The following SEPTIN6 variants were observed in gnomAD, a reference collection of about 807,000 sequenced individuals.
The protein encoded by SEPTIN6 is septin 6.
SEPTIN6 carries 8 observed loss-of-function variants against 33.6 expected under a neutral mutation model. The observed-to-expected ratio is 0.24, with a 90% CI of 0.14 to 0.43. The LOEUF is 0.43. SEPTIN6 is among the 20% of genes least tolerant of loss of function. The pLI is 1.00. For missense variants in SEPTIN6, 250 were observed against 340.8 expected, an observed-to-expected ratio of 0.73 and a Z score of 2.10; for synonymous variants, 131 against 140.0, an observed-to-expected ratio of 0.94 and a Z score of 0.45.
In SEPTIN6 at chrX:119,675,121, G is replaced by A. The variant is rs191952573; in HGVS notation, c.145+433C>T. Among the ~76,000 whole-genome samples the A allele has an allele frequency of 3.4e-3, 380 of 111,001 alleles. 1 individual carries two copies. The highest frequency in any genetic ancestry group is 0.012 in the African/African-American group (360 of 30,474). The stretch of plus-strand genomic sequence containing the variant: ...ATACAGCTGTGTGGTGCCTGCACCC[G>A]AGCTCAAACTAAACCAAGCACAGCA... On this transcript the variant is annotated intron_variant, in intron 2 of 10. Transcript: ENST00000394610.
chrX:119,662,733 T>C (rs1439498498), intron 3 of SEPTIN6, among the ~76,000 whole-genome samples: 1 of 112,390 alleles, frequency 8.9e-6, no homozygotes, highest in Non-Finnish European at 1.9e-5. Flanking sequence ...TAATACGACA[T>C]TGTGATTGAA....
At chrX:119,676,046 A>G (rs4825661) in intron 1 of SEPTIN6, among the ~76,000 whole-genome samples, 15,442 of 111,072 alleles carry the variant, frequency 0.14, 1,232 homozygotes, top group Admixed American at 0.38. Context: ...TTCCTTCCAC[A>G]TCTGCCATCT....
At chrX:119,664,840 C>CA (rs1199498493) in intron 2 of SEPTIN6, among the ~76,000 whole-genome samples, 616 of 35,579 alleles carry the variant, frequency 0.017, 9 homozygotes, top group African/African-American at 0.027. Context: ...GACTCCATCT[C>CA]AAAAAAAAAA....
In SEPTIN6 at chrX:119,644,907, ATT is replaced by A. The variant is rs567544320; in HGVS notation, c.691-4121_691-4120del. Among the ~76,000 whole-genome samples the A allele has an allele frequency of 5.3e-3, 506 of 96,011 alleles. 1 individual carries two copies. The highest frequency in any genetic ancestry group is 0.017 in the African/African-American group (455 of 26,456). 83.4% of individuals were successfully genotyped at this position (96,011 alleles called of 115,157 possible). The stretch of plus-strand genomic sequence containing the variant: ...GGAGAAGCCCTCATGGCCCAATCAC[ATT>A]TTTTTTTTTTTTTTAAGATGAGAGT... On this transcript the variant is annotated intron_variant, in intron 5 of 10. Coordinates refer to ENST00000394610, the MANE Select transcript of SEPTIN6 (RefSeq NM_145799.4).
intron 5 of SEPTIN6, among the ~76,000 whole-genome samples, chrX:119,646,369 T>C (rs906665102): frequency 7.1e-5 from 8 of 111,891 alleles, no homozygotes; most frequent in Non-Finnish European, 1.1e-4. Context: ...ACCCCAGACC[T>C]CACAAATGGA....
At chrX:119,645,561 C>G (rs1372721081) in intron 5 of SEPTIN6, among the ~76,000 whole-genome samples, 1 of 111,178 alleles carries the variant, frequency 9.0e-6, no homozygotes, top group East Asian at 2.8e-4. Flanking sequence ...CCATGCCCGG[C>G]TAATTTTGCA....
chrX:119,626,237 T>C (rs933174768), intron 9 of SEPTIN6, among the ~76,000 whole-genome samples: 2 of 112,118 alleles, frequency 1.8e-5, no homozygotes, highest in East Asian at 2.8e-4. Context: ...TATCTCCCTG[T>C]TGGGGTCTCC....
At chrX:119,689,557 GC>G (rs1238035112) in intron 1 of SEPTIN6, among the ~76,000 whole-genome samples, 1 of 111,767 alleles carries the variant, frequency 8.9e-6, no homozygotes, top group Non-Finnish European at 1.9e-5. Context: ...CACGATCTCG[GC>G]TCACTGCAAG....
At chrX:119,646,603 C>T (rs1332911742) in intron 5 of SEPTIN6, 1 of 120,205 alleles carries the variant, frequency 8.3e-6, no homozygotes, top group Admixed American at 9.1e-5. Context: ...TTTCTGGAGC[C>T]ACCCATAATT....
In SEPTIN6 at chrX:119,691,877, T is replaced by G. The variant is rs1204552251; in HGVS notation, c.30+1199A>C. On this transcript the variant is annotated intron_variant, in intron 1 of 10. Coordinates refer to ENST00000394610, the MANE Select transcript of SEPTIN6 (RefSeq NM_145799.4). ...CAAGTAGTATGTGGTGTCATGGGAT[T>G]TGACCTACCTCTGTCTCCCACTCCT... 9.8e-5 allele frequency among the ~76,000 whole-genome samples: 11 copies of G among 111,702 alleles called. No homozygotes were observed. In the Admixed American group the frequency reaches 1.0e-3, roughly 11 times the overall value.
chrX:119,648,293 C>T (rs1243182028), intron 5 of SEPTIN6, among the ~76,000 whole-genome samples: 1 of 110,830 alleles, frequency 9.0e-6, no homozygotes, highest in African/African-American at 3.3e-5. Context: ...CAAAGCAAAC[C>T]ACAAGCCTGC....
chrX:119,637,610 CATCCATCT>C (rs1490060006), intron 6 of SEPTIN6, among the ~76,000 whole-genome samples: 1 of 108,138 alleles, frequency 9.2e-6, no homozygotes, highest in Non-Finnish European at 1.9e-5. Flanking sequence ...TCCATCCATC[CATCCATCT>C]ATCCATCCAT....
intron 2 of SEPTIN6, among the ~76,000 whole-genome samples, chrX:119,672,249 C>T (rs952853012): frequency 3.6e-5 from 4 of 111,451 alleles, no homozygotes; most frequent in African/African-American, 1.3e-4. Flanking sequence ...ATGAGAGCAT[C>T]TCCTTCCTAC....
At chrX:119,690,348 TACAC>T (rs1196119691) in intron 1 of SEPTIN6, among the ~76,000 whole-genome samples, 15,886 of 74,764 alleles carry the variant, frequency 0.21, 1,440 homozygotes, top group Admixed American at 0.37. Flanking sequence ...TACATACACA[TACAC>T]ACACACACAC....
chrX:119,665,197 G>T (rs1315566289), intron 2 of SEPTIN6, among the ~76,000 whole-genome samples: 1 of 106,809 alleles, frequency 9.4e-6, no homozygotes, highest in African/African-American at 3.5e-5. Flanking sequence ...TCTGCCTCCC[G>T]GGTTCAAGTG....
intron 1 of SEPTIN6, among the ~76,000 whole-genome samples, chrX:119,682,062 A>AT: frequency 9.0e-6 from 1 of 111,641 alleles, no homozygotes; most frequent in East Asian, 2.8e-4. Context: ...AAAAAAGAAA[A>AT]TAGAAGTTGT....
At chrX:119,630,979 A>G in intron 8 of SEPTIN6, among the ~76,000 whole-genome samples, 1 of 110,681 alleles carries the variant, frequency 9.0e-6, no homozygotes, top group South Asian at 3.8e-4. Flanking sequence ...CTAGAATGCA[A>G]TAAACTACCC....
intron 1 of SEPTIN6, among the ~76,000 whole-genome samples, chrX:119,681,690 A>T (rs961844485): frequency 4.5e-5 from 5 of 112,226 alleles, no homozygotes; most frequent in Non-Finnish European, 7.5e-5. Flanking sequence ...TACTGATGTG[A>T]GTATCTCCAA....
intron 2 of SEPTIN6, among the ~76,000 whole-genome samples, chrX:119,670,613 G>A (rs746242475): frequency 1.6e-4 from 17 of 104,466 alleles, no homozygotes; most frequent in Non-Finnish European, 2.9e-4. Context: ...GCCGTTTATT[G>A]GTATCCTTAC....
Sources: allele counts gnomAD v4.1 joint callset (sites outside exome capture counted in the v4.1 genomes callset), GRCh38; gene constraint gnomAD v4.1.1; transcripts MANE v1.5; gene names NCBI Gene and HGNC (gene_info 2026-07-23, HGNC 2026-07-21).